TLK2: variants seen among roughly 807,000 people sequenced by gnomAD.
TLK2 encodes the protein tousled like kinase 2, also known as serine/threonine-protein kinase tousled-like 2.
In TLK2, 6 loss-of-function variants were observed where a neutral mutation model predicts 117.3. The observed-to-expected ratio is 0.05, with a 90% confidence interval of 0.03 to 0.10. The LOEUF is 0.10. TLK2 is among the 10% of genes least tolerant of loss of function. The pLI, the probability that TLK2 is intolerant of heterozygous loss-of-function variation, is 1.00. For synonymous variants in TLK2, 257 were observed against 316.7 expected, an observed-to-expected ratio of 0.81 and a Z score of 2.00; for missense variants, 299 against 901.2, an observed-to-expected ratio of 0.33 and a Z score of 8.56.
rs565201710 is a variant in TLK2 at position 62,552,147 on chromosome 17, A to G, written c.532-155A>G. The G allele has an allele frequency of 1.7e-4, 147 of 889,966 alleles. 2 individuals are homozygous for G. In the South Asian group the frequency reaches 2.4e-3, roughly 15 times the overall value. The allele number at this position is 889,966 out of a possible 1,614,324, so 55.1% of individuals were successfully genotyped here. On this transcript the variant is annotated intron_variant, in intron 7 of 21. Coordinates refer to ENST00000346027, the MANE Select transcript of TLK2 (RefSeq NM_006852.6). ...CTTTGTCTCATATTTGAATTGTTTT[A>G]CTTTCTTCTTGGCCACGTGGCCCTG...
intron 7 of TLK2, among the ~76,000 whole-genome samples, chr17:62,543,826 A>G (rs1417662861): frequency 2.6e-5 from 4 of 152,146 alleles, no homozygotes; most frequent in Admixed American, 2.6e-4. Flanking sequence ...GAAGTTTTTA[A>G]TTTTGAGAAA....
intron 6 of TLK2, among the ~76,000 whole-genome samples, chr17:62,534,604 T>C (rs907515155): frequency 3.9e-5 from 6 of 152,142 alleles, no homozygotes; most frequent in African/African-American, 1.4e-4. Flanking sequence ...TTAATTGTTA[T>C]AGTAATTTTT....
chr17:62,525,797 A>C (rs532873222), intron 6 of TLK2, among the ~76,000 whole-genome samples: 36 of 152,268 alleles, frequency 2.4e-4, no homozygotes, highest in African/African-American at 8.2e-4. Flanking sequence ...TTGATCATAG[A>C]TCCAATTTGG....
At chr17:62,491,863 C>T (rs1353058424) in intron 2 of TLK2, among the ~76,000 whole-genome samples, 3 of 152,184 alleles carry the variant, frequency 2.0e-5, no homozygotes, top group South Asian at 2.1e-4. Flanking sequence ...GGATTACAGG[C>T]GTGAGCCCTC....
chr17:62,573,413 C>G (rs748409205), intron 12 of TLK2, 46 bp downstream of exon 12: 1 of 1,594,048 alleles, frequency 6.3e-7, no homozygotes, highest in South Asian at 1.1e-5. Context: ...CACCCTGCCC[C>G]CAAATACAAA....
chr17:62,525,788 T>C (rs563705361), intron 6 of TLK2, among the ~76,000 whole-genome samples: 1 of 152,360 alleles, frequency 6.6e-6, no homozygotes, highest in African/African-American at 2.4e-5. Context: ...AATGTTTGTT[T>C]GATCATAGAT....
At chr17:62,490,847 T>C (rs909140170) in intron 2 of TLK2, among the ~76,000 whole-genome samples, 18 of 152,174 alleles carry the variant, frequency 1.2e-4, no homozygotes, top group Non-Finnish European at 2.1e-4. Context: ...TGGCCTAATT[T>C]CAAAAATTTT....
At position 62,481,042 on chromosome 17, in the gene TLK2, C is replaced by T. The variant is rs1351413917; in HGVS notation, c.-5-79C>T. On this transcript the variant is annotated intron_variant, in intron 1 of 21. Coordinates refer to ENST00000346027, the MANE Select transcript of TLK2 (RefSeq NM_006852.6). ...ATTTGATCTTTCAGTGAAATAATTA[C>T]TGTGAGTTTTGTTCTACAGAAAATT... 5 of 1,306,656 alleles carry T rather than the reference C, an allele frequency of 3.8e-6. No homozygotes were observed. The East Asian group carries it at 7.1e-5, about 19-fold the overall frequency. 80.9% of individuals were successfully genotyped at this position (1,306,656 alleles called of 1,614,324 possible).
intron 16 of TLK2, among the ~76,000 whole-genome samples, chr17:62,591,709 T>C (rs574411531): frequency 8.0e-4 from 122 of 152,326 alleles, no homozygotes; most frequent in Non-Finnish European, 1.5e-3. Flanking sequence ...ACTTTTAGAT[T>C]CCTATTTCTC....
At chr17:62,494,226 G>C (rs1018054258) in intron 2 of TLK2, among the ~76,000 whole-genome samples, 2 of 152,130 alleles carry the variant, frequency 1.3e-5, no homozygotes, top group African/African-American at 4.8e-5. Flanking sequence ...GGGACTACAG[G>C]CGTGTGCCGT....
intron 11 of TLK2, among the ~76,000 whole-genome samples, chr17:62,571,061 A>C (rs1321871265): frequency 6.6e-6 from 1 of 152,208 alleles, no homozygotes; most frequent in African/African-American, 2.4e-5. Flanking sequence ...TTAATTGGGA[A>C]ATTCATGTTC....
intron 11 of TLK2, 38 bp from the exon 12 acceptor site, chr17:62,573,177 G>T: frequency 6.3e-7 from 1 of 1,575,338 alleles, no homozygotes; most frequent in South Asian, 1.2e-5. Context: ...TAAAACTTTT[G>T]ACTTTCTTTC....
At chr17:62,605,399 A>G (rs1388837233) in intron 19 of TLK2, among the ~76,000 whole-genome samples, 1 of 151,982 alleles carries the variant, frequency 6.6e-6, no homozygotes, top group Admixed American at 6.6e-5. Context: ...TTACTTTGAG[A>G]TGGGGGTCTC....
intron 7 of TLK2, among the ~76,000 whole-genome samples, chr17:62,543,312 A>T (rs2077671615): frequency 6.6e-6 from 1 of 152,176 alleles, no homozygotes; most frequent in Non-Finnish European, 1.5e-5. Flanking sequence ...GTTGCTATGA[A>T]CATTCATGTA....
intron 11 of TLK2, 68 bp downstream of exon 11, chr17:62,565,205 T>C (rs1339179833): frequency 1.3e-6 from 2 of 1,545,066 alleles, no homozygotes; most frequent in Middle Eastern, 1.7e-4. Context: ...TTTTCTGTAA[T>C]TGTAGTCATT....
Position 62,536,351 on chromosome 17 carries a change from C to T in TLK2, c.531+14C>T, listed in dbSNP as rs1598432314. On this transcript the variant is annotated intron_variant, in intron 7 of 21. Transcript: ENST00000346027. ...ACTTTTGTTTCAGTGAGTACAAAGC[C>T]TAAGTTAATTCATATCCTTTCCATT... 6.2e-7 allele frequency: 1 copy of T among 1,605,794 alleles called. No individual in the cohort carries two copies. The highest frequency in any genetic ancestry group is 1.3e-5 in the African/African-American group (1 of 74,872).
chr17:62,571,109 A>AT (rs1479747810), intron 11 of TLK2, among the ~76,000 whole-genome samples: 2 of 152,138 alleles, frequency 1.3e-5, no homozygotes, highest in Non-Finnish European at 2.9e-5. Context: ...AAAGATTGTG[A>AT]TTTTTTACTT....
chr17:62,474,542 C>A (rs1409308231), upstream of TLK2, among the ~76,000 whole-genome samples: 1 of 150,796 alleles, frequency 6.6e-6, no homozygotes, highest in African/African-American at 2.4e-5. Flanking sequence ...CCCAAGTAGC[C>A]GGGACTACAG....
At chr17:62,579,097 A>G (rs944535541) in intron 14 of TLK2, among the ~76,000 whole-genome samples, 3 of 152,186 alleles carry the variant, frequency 2.0e-5, no homozygotes, top group African/African-American at 7.2e-5. Flanking sequence ...TTTTATAAGT[A>G]ATCTGTTTTT....
Sources: gnomAD v4.1 joint callset for allele counts (sites outside exome capture counted in the v4.1 genomes callset) on GRCh38, gnomAD v4.1.1 for gene constraint, MANE v1.5 for transcripts, NCBI Gene and HGNC (gene_info 2026-07-23, HGNC 2026-07-21) for gene names.